TOP6BL: variants seen among roughly 807,000 people sequenced by gnomAD.
TOP6BL encodes type 2 DNA topoisomerase 6 subunit B-like.
the TOP6BL span, among the ~76,000 whole-genome samples, chr11:66,827,918 T>C: frequency 7.1e-6 from 1 of 141,080 alleles, no homozygotes; most frequent in African/African-American, 2.7e-5. Flanking sequence ...TGAGCCAAGA[T>C]TGTGCCACTG....
the TOP6BL span, among the ~76,000 whole-genome samples, chr11:66,835,968 G>T: frequency 6.6e-6 from 1 of 152,064 alleles, no homozygotes; most frequent in Admixed American, 6.5e-5. Flanking sequence ...AAGAACTTTC[G>T]AGCTGATTTC....
chr11:66,837,485 C>A, the TOP6BL span, among the ~76,000 whole-genome samples: 2 of 143,488 alleles, frequency 1.4e-5, no homozygotes, highest in African/African-American at 2.6e-5. Context: ...TCACTCATCA[C>A]CCAGACTGGA....
At chr11:66,843,359 G>A in the TOP6BL span, 5 of 1,428,846 alleles carry the variant, frequency 3.5e-6, no homozygotes, top group African/African-American at 3.4e-5. Context: ...GTCGGGCCCG[G>A]GCGGGGCGGG....
At chr11:66,810,292 G>A in the TOP6BL span, among the ~76,000 whole-genome samples, 2 of 152,172 alleles carry the variant, frequency 1.3e-5, no homozygotes, top group African/African-American at 2.4e-5. Context: ...GTTGCCAGAC[G>A]GAATTCTGAA....
the TOP6BL span, among the ~76,000 whole-genome samples, chr11:66,810,144 G>A: frequency 6.6e-6 from 1 of 152,118 alleles, no homozygotes; most frequent in Non-Finnish European, 1.5e-5. Context: ...AGAAAGTGGG[G>A]TAACATCTTT....
At chr11:66,762,333 CG>C in the TOP6BL span, 2 of 393,674 alleles carry the variant, frequency 5.1e-6, no homozygotes, top group South Asian at 2.5e-5. Flanking sequence ...GGGCGGGCCC[CG>C]GGGGTGTGGA....
chr11:66,747,546 C>A, the TOP6BL span, among the ~76,000 whole-genome samples: 5 of 151,242 alleles, frequency 3.3e-5, no homozygotes, highest in African/African-American at 1.2e-4. Flanking sequence ...TCAGCAGCAG[C>A]CCTATGTGGT....
the TOP6BL span, among the ~76,000 whole-genome samples, chr11:66,812,215 C>T: frequency 7.8e-5 from 10 of 127,590 alleles, no homozygotes; most frequent in Non-Finnish European, 1.6e-4. Flanking sequence ...CTGGCTCTGT[C>T]GCCCAGGCTG....
chr11:66,836,633 G>A, the TOP6BL span, among the ~76,000 whole-genome samples: 3 of 149,806 alleles, frequency 2.0e-5, no homozygotes, highest in Non-Finnish European at 4.5e-5. Context: ...TGGGAGGATC[G>A]CTTGAGCCCA....
chr11:66,830,089 C>T, the TOP6BL span, among the ~76,000 whole-genome samples: 2 of 152,158 alleles, frequency 1.3e-5, no homozygotes, highest in Admixed American at 1.3e-4. Context: ...CTCTGTTCAA[C>T]CACAGAAGAA....
the TOP6BL span, among the ~76,000 whole-genome samples, chr11:66,768,301 A>G: frequency 6.6e-6 from 1 of 152,024 alleles, no homozygotes. Context: ...ATAAAAATCT[A>G]TTATAATTTT....
the TOP6BL span, among the ~76,000 whole-genome samples, chr11:66,801,727 T>C: frequency 4.6e-5 from 7 of 152,232 alleles, no homozygotes; most frequent in African/African-American, 1.7e-4. Context: ...TCCCAGCTAC[T>C]TGGGAGGCCA....
At chr11:66,748,693 G>A in the TOP6BL span, among the ~76,000 whole-genome samples, 1 of 152,014 alleles carries the variant, frequency 6.6e-6, no homozygotes, top group Admixed American at 6.6e-5. Context: ...GTATCATACA[G>A]GAAAGGTGAG....
chr11:66,842,850 T>A, the TOP6BL span: 2 of 1,564,240 alleles, frequency 1.3e-6, no homozygotes, highest in South Asian at 2.3e-5. Context: ...TTCTCCTAGA[T>A]ACCAGCGGGC....
the TOP6BL span, among the ~76,000 whole-genome samples, chr11:66,826,421 T>C: frequency 6.6e-6 from 1 of 152,198 alleles, no homozygotes; most frequent in Non-Finnish European, 1.5e-5. Context: ...GTGGTTCAGT[T>C]AATACCTTTA....
chr11:66,822,464 T>C, the TOP6BL span: 2 of 726,382 alleles, frequency 2.8e-6, no homozygotes, highest in Admixed American at 5.3e-5. Flanking sequence ...GGAAGAATTG[T>C]TGAAATCCTG....
the TOP6BL span, chr11:66,762,258 C>A: frequency 3.8e-6 from 2 of 531,522 alleles, no homozygotes; most frequent in Admixed American, 3.1e-5. Flanking sequence ...AACACGCGCG[C>A]AAACTGAGCA....
At chr11:66,759,119 T>A in the TOP6BL span, 1 of 1,439,192 alleles carries the variant, frequency 6.9e-7, no homozygotes. Context: ...CTAACTTCCA[T>A]GAGACTGAAT....
At chr11:66,777,235 T>C in the TOP6BL span, among the ~76,000 whole-genome samples, 1 of 151,952 alleles carries the variant, frequency 6.6e-6, no homozygotes, top group Non-Finnish European at 1.5e-5. Context: ...TATCATAAAT[T>C]AGCCATTTTT....
Sources: allele counts gnomAD v4.1 joint callset (sites outside exome capture counted in the v4.1 genomes callset), GRCh38; gene constraint gnomAD v4.1.1; transcripts MANE v1.5; gene names NCBI Gene and HGNC (gene_info 2026-07-23, HGNC 2026-07-21).